The following ARSG variants were observed in gnomAD, a reference collection of about 807,000 sequenced individuals.
The protein encoded by ARSG is ASG.
ARSG carries 37 observed loss-of-function variants against 50.5 expected under a neutral mutation model. That is an observed-to-expected ratio of 0.73 (90% confidence interval 0.56 to 0.96). The LOEUF (loss-of-function observed/expected upper bound fraction) is 0.96, where lower values mean the gene tolerates loss of function less well. ARSG is among the 50% of genes least tolerant of loss of function. The pLI, the probability that ARSG is intolerant of heterozygous loss-of-function variation, is 0.00. For synonymous variants in ARSG, 225 were observed against 254.6 expected (o/e 0.88, Z 1.11); for missense variants, 629 against 675.3 (o/e 0.93, Z 0.76).
chr17:68,451,728 C>A, the ARSG span, among the ~76,000 whole-genome samples: 1 of 152,176 alleles, frequency 6.6e-6, no homozygotes, highest in Non-Finnish European at 1.5e-5. Context: ...TCCCCCCACC[C>A]CCTATCTTGC....
chr17:68,297,389 G>A (rs576875007), intron 1 of ARSG, among the ~76,000 whole-genome samples: 7 of 152,202 alleles, frequency 4.6e-5, no homozygotes, highest in Non-Finnish European at 1.0e-4. Context: ...TCATGGGATT[G>A]TGTAACAAGG....
rs577089129 is a variant in ARSG, at chr17:68,316,789, C to T, written c.218+9078C>T. Among the ~76,000 whole-genome samples, 6 of 152,184 alleles carry T rather than the reference C, an allele frequency of 3.9e-5. No individual in the cohort carries two copies. In the South Asian group the frequency reaches 8.3e-4, roughly 21 times the overall value. ...TCTTATGATTCCCTATGACACCGGCCCTGCTCCCCTGTTCGTCACAATTCC... is the reference window on the plus strand; with the variant it reads ...TCTTATGATTCCCTATGACACCGGCTCTGCTCCCCTGTTCGTCACAATTCC... On this transcript the variant is annotated intron_variant, in intron 2 of 11. Coordinates refer to ENST00000621439, the MANE Select transcript of ARSG (RefSeq NM_001267727.2).
chr17:68,387,236 C>T (rs1872107578), intron 9 of ARSG, among the ~76,000 whole-genome samples: 1 of 152,054 alleles, frequency 6.6e-6, no homozygotes, highest in African/African-American at 2.4e-5. Flanking sequence ...TTGTGTAATC[C>T]TCCCATCTCA....
chr17:68,321,957 C>T (rs2145857616), intron 2 of ARSG, among the ~76,000 whole-genome samples: 1 of 152,124 alleles, frequency 6.6e-6, no homozygotes, highest in East Asian at 1.9e-4. Flanking sequence ...GAGACAGTGG[C>T]CAGGAGGGGG....
At chr17:68,372,566 T>A (rs2079902355) in intron 8 of ARSG, among the ~76,000 whole-genome samples, 1 of 152,142 alleles carries the variant, frequency 6.6e-6, no homozygotes, top group Admixed American at 6.5e-5. Context: ...CCAAGGCTAA[T>A]GAGAATTCAC....
chr17:68,372,275 T>A (rs117952334), intron 8 of ARSG, among the ~76,000 whole-genome samples: 2 of 151,602 alleles, frequency 1.3e-5, no homozygotes, highest in African/African-American at 2.4e-5. Flanking sequence ...CTGTCATCTA[T>A]CTATCTATCT....
At chr17:68,261,560 T>G (rs2075071020) in intron 1 of ARSG, among the ~76,000 whole-genome samples, 1 of 152,050 alleles carries the variant, frequency 6.6e-6, no homozygotes, top group Admixed American at 6.6e-5. Context: ...TTGTAGTTTT[T>G]GTAGAGAGGG....
At chr17:68,365,029 G>T (rs2079477104) in intron 6 of ARSG, among the ~76,000 whole-genome samples, 2 of 152,190 alleles carry the variant, frequency 1.3e-5, no homozygotes, top group African/African-American at 4.8e-5. Context: ...CAAGGAAGCG[G>T]TCGGGCGCAG....
At chr17:68,316,207 C>T (rs1314892225) in intron 2 of ARSG, among the ~76,000 whole-genome samples, 2 of 152,216 alleles carry the variant, frequency 1.3e-5, no homozygotes, top group African/African-American at 4.8e-5. Flanking sequence ...GATCGCTTCT[C>T]ATCCTTCTGG....
chr17:68,411,284 C>G (rs2081984637), intron 11 of ARSG, among the ~76,000 whole-genome samples: 1 of 152,326 alleles, frequency 6.6e-6, no homozygotes, highest in African/African-American at 2.4e-5. Flanking sequence ...TCCCTCTACA[C>G]ACTGCTTTGA....
chr17:68,358,699 A>T (rs921462635), intron 6 of ARSG, among the ~76,000 whole-genome samples: 2 of 150,970 alleles, frequency 1.3e-5, no homozygotes, highest in African/African-American at 4.9e-5. Context: ...AAAAAAAAAA[A>T]TTAATACAAG....
intron 6 of ARSG, among the ~76,000 whole-genome samples, chr17:68,365,162 T>C (rs2079483844): frequency 6.6e-6 from 1 of 152,000 alleles, no homozygotes; most frequent in Non-Finnish European, 1.5e-5. Flanking sequence ...ATACAAAAAT[T>C]AGCCAGGTGT....
rs976608517 is a variant in ARSG, at chr17:68,310,414, C to A, written c.218+2703C>A. The stretch of plus-strand genomic sequence containing the variant: ...TGAAAGGCGTGGCTTACACTTAAGG[C>A]ATACTGAACTCTAAGGGACCACAAA... On this transcript the variant is annotated intron_variant, in intron 2 of 11. Transcript: ENST00000621439. 2.6e-5 allele frequency among the ~76,000 whole-genome samples: 4 copies of A among 152,178 alleles called. No homozygotes were observed. In the South Asian group the frequency reaches 8.3e-4, roughly 32 times the overall value.
chr17:68,434,065 C>A, the ARSG span, among the ~76,000 whole-genome samples: 1 of 151,990 alleles, frequency 6.6e-6, no homozygotes, highest in African/African-American at 2.4e-5. Flanking sequence ...CCACCGCGCC[C>A]GGCCCATAGT....
chr17:68,302,458 C>T (rs1308570520), intron 1 of ARSG, among the ~76,000 whole-genome samples: 2 of 152,152 alleles, frequency 1.3e-5, no homozygotes, highest in African/African-American at 2.4e-5. Flanking sequence ...CCATGGGAAA[C>T]GAGGGTCAGG....
intron 6 of ARSG, among the ~76,000 whole-genome samples, chr17:68,361,594 G>A (rs1806506759): frequency 6.6e-6 from 1 of 151,418 alleles, no homozygotes; most frequent in South Asian, 2.1e-4. Context: ...AAACAAATAG[G>A]TCCTTCTGCA....
At chr17:68,273,131 TAA>T (rs2075396880) in intron 1 of ARSG, among the ~76,000 whole-genome samples, 1 of 152,170 alleles carries the variant, frequency 6.6e-6, no homozygotes, top group Non-Finnish European at 1.5e-5. Context: ...AGGAAAAATT[TAA>T]AGTCTGCAAA....
chr17:68,406,040 C>G (rs1451602261), intron 11 of ARSG, among the ~76,000 whole-genome samples: 1 of 152,170 alleles, frequency 6.6e-6, no homozygotes, highest in African/African-American at 2.4e-5. Context: ...CCCTTGCCCC[C>G]TCCCACTTTA....
At chr17:68,316,609 A>G (rs1248843912) in intron 2 of ARSG, among the ~76,000 whole-genome samples, 2 of 152,220 alleles carry the variant, frequency 1.3e-5, no homozygotes, top group African/African-American at 4.8e-5. Flanking sequence ...ACACTGTGCT[A>G]GTTATTAAAC....
Sources: allele counts gnomAD v4.1 joint callset (sites outside exome capture counted in the v4.1 genomes callset), GRCh38; gene constraint gnomAD v4.1.1; transcripts MANE v1.5; gene names NCBI Gene and HGNC (gene_info 2026-07-23, HGNC 2026-07-21).